The following RBMS3 variants were observed in gnomAD, a reference collection of about 807,000 sequenced individuals.
RBMS3 encodes the protein RNA-binding motif, single-stranded-interacting protein 3.
RBMS3 carries 27 observed loss-of-function variants against 66.8 expected under a neutral mutation model. The ratio of observed to expected loss-of-function variants is 0.40; its 90% CI spans 0.30 to 0.56. The LOEUF is 0.56. RBMS3 is among the 20% of genes least tolerant of loss of function. RBMS3 has a pLI of 0.40. For missense variants in RBMS3, 513 were observed against 549.5 expected, an observed-to-expected ratio of 0.93 and a Z score of 0.66; for synonymous variants, 188 against 183.0, an observed-to-expected ratio of 1.03 and a Z score of -0.22.
At chr3:29,459,183 T>C (rs983166158) in intron 2 of RBMS3, among the ~76,000 whole-genome samples, 6 of 152,230 alleles carry the variant, frequency 3.9e-5, no homozygotes, top group African/African-American at 1.4e-4. Flanking sequence ...TTGATAAACA[T>C]ACATCATATT....
chr3:29,523,546 A>G (rs571186481), intron 3 of RBMS3, among the ~76,000 whole-genome samples: 12 of 152,206 alleles, frequency 7.9e-5, no homozygotes, highest in African/African-American at 2.2e-4. Context: ...GACATCTCCA[A>G]TGTTACCTAG....
intron 6 of RBMS3, among the ~76,000 whole-genome samples, chr3:29,803,141 G>C (rs78304294): frequency 0.031 from 4,666 of 152,200 alleles, 98 homozygotes; most frequent in East Asian, 0.14. Flanking sequence ...GAGAATAAAT[G>C]ACATAGCCAA....
At chr3:29,959,434 G>T (rs2149731861) in intron 12 of RBMS3, among the ~76,000 whole-genome samples, 1 of 152,270 alleles carries the variant, frequency 6.6e-6, no homozygotes, top group South Asian at 2.1e-4. Flanking sequence ...TGGGCAGGGG[G>T]TGAGGGTGGA....
chr3:29,323,691 TAC>T (rs10565045), intron 1 of RBMS3, among the ~76,000 whole-genome samples: 26,287 of 144,060 alleles, frequency 0.18, 2,285 homozygotes, highest in Middle Eastern at 0.29. Flanking sequence ...CACACACACA[TAC>T]ACACACACAC....
intron 4 of RBMS3, among the ~76,000 whole-genome samples, chr3:29,621,799 C>A (rs1312417418): frequency 6.6e-6 from 1 of 151,954 alleles, no homozygotes; most frequent in East Asian, 1.9e-4. Flanking sequence ...AAAAAAGTTT[C>A]TCAGGTAACA....
intron 1 of RBMS3, among the ~76,000 whole-genome samples, chr3:29,331,695 C>A (rs2035665972): frequency 6.6e-6 from 1 of 151,832 alleles, no homozygotes; most frequent in African/African-American, 2.4e-5. Context: ...TCTCATGGTA[C>A]ACACATTTGA....
intron 5 of RBMS3, among the ~76,000 whole-genome samples, chr3:29,753,354 G>A (rs1326753838): frequency 6.6e-6 from 1 of 152,136 alleles, no homozygotes; most frequent in Admixed American, 6.5e-5. Context: ...GCACCTCACT[G>A]CATACATTCC....
At chr3:29,435,773 C>T (rs1019174669) in intron 2 of RBMS3, among the ~76,000 whole-genome samples, 1 of 151,908 alleles carries the variant, frequency 6.6e-6, no homozygotes, top group Non-Finnish European at 1.5e-5. Flanking sequence ...CACGGTGAAA[C>T]CCCATCCTGG....
intron 1 of RBMS3, among the ~76,000 whole-genome samples, chr3:29,356,497 A>C (rs2037230276): frequency 6.6e-6 from 1 of 152,296 alleles, no homozygotes; most frequent in Non-Finnish European, 1.5e-5. Flanking sequence ...ACATCCCTCC[A>C]CTTGCTAAAA....
intron 1 of RBMS3, among the ~76,000 whole-genome samples, chr3:29,405,274 G>A (rs928094327): frequency 3.9e-5 from 6 of 152,072 alleles, no homozygotes; most frequent in Admixed American, 2.0e-4. Context: ...CCTGCATATC[G>A]TTTAACCATG....
intron 1 of RBMS3, among the ~76,000 whole-genome samples, chr3:29,285,426 T>G (rs1308330137): frequency 6.6e-6 from 1 of 152,024 alleles, no homozygotes; most frequent in African/African-American, 2.4e-5. Context: ...TCATAAAACT[T>G]AAAAAGTTAC....
At chr3:29,781,273 A>C (rs1046222652) in intron 6 of RBMS3, among the ~76,000 whole-genome samples, 2 of 147,504 alleles carry the variant, frequency 1.4e-5, no homozygotes, top group African/African-American at 5.0e-5. Context: ...TCTTTTCCAG[A>C]ATGTTTATGT....
At chr3:29,567,149 C>G (rs189681648) in intron 3 of RBMS3, among the ~76,000 whole-genome samples, 2 of 152,040 alleles carry the variant, frequency 1.3e-5, no homozygotes, top group Non-Finnish European at 2.9e-5. Context: ...AGAGAAATCA[C>G]GTCTCATTTG....
chr3:29,529,038 C>G (rs2045248794), intron 3 of RBMS3, among the ~76,000 whole-genome samples: 1 of 152,174 alleles, frequency 6.6e-6, no homozygotes, highest in Non-Finnish European at 1.5e-5. Context: ...GCCACTGTGC[C>G]AAGCGAAAAT....
chr3:29,740,122 A>C (rs763875610), intron 5 of RBMS3, among the ~76,000 whole-genome samples: 16 of 152,220 alleles, frequency 1.1e-4, no homozygotes, highest in Admixed American at 3.3e-4. Context: ...GAGTCATAAT[A>C]ACATACATAC....
At chr3:29,782,462 C>G (rs535222279) in intron 6 of RBMS3, among the ~76,000 whole-genome samples, 57 of 152,266 alleles carry the variant, frequency 3.7e-4, no homozygotes, top group African/African-American at 1.3e-3. Context: ...TCAGGAAGCC[C>G]CATTCCTAGG....
chr3:29,944,074 T>C, intron 11 of RBMS3, 133 bp from the exon 12 acceptor site: 1 of 677,160 alleles, frequency 1.5e-6, no homozygotes, highest in Non-Finnish European at 2.6e-6. Context: ...TCCTAATGCC[T>C]TTACTGCTCT....
At chr3:29,817,799 G>A (rs1047694394) in intron 6 of RBMS3, among the ~76,000 whole-genome samples, 3 of 151,736 alleles carry the variant, frequency 2.0e-5, no homozygotes, top group African/African-American at 7.3e-5. Flanking sequence ...TTTTTGAAAA[G>A]AAATAGAATA....
intron 10 of RBMS3, among the ~76,000 whole-genome samples, chr3:29,911,632 C>A (rs1404258978): frequency 6.6e-6 from 1 of 151,964 alleles, no homozygotes; most frequent in South Asian, 2.1e-4. Context: ...TATCTGAATA[C>A]CCCAGGTGAA....
Sources: gnomAD v4.1 joint callset for allele counts (sites outside exome capture counted in the v4.1 genomes callset) on GRCh38, gnomAD v4.1.1 for gene constraint, MANE v1.5 for transcripts, NCBI Gene and HGNC (gene_info 2026-07-23, HGNC 2026-07-21) for gene names.